ROBO2: variants seen among roughly 807,000 people sequenced by gnomAD.
ROBO2 encodes roundabout guidance receptor 2.
ROBO2 carries 53 observed loss-of-function variants against 160.8 expected under a neutral mutation model. The ratio of observed to expected loss-of-function variants is 0.33; its 90% CI spans 0.26 to 0.41. The LOEUF is 0.41. Ranked by LOEUF, ROBO2 falls within the 10% of genes least tolerant of loss-of-function variation. The pLI, the probability that ROBO2 is intolerant of heterozygous loss-of-function variation, is 1.00. For missense variants in ROBO2, 1,577 were observed against 1,722.4 expected, an observed-to-expected ratio of 0.92 and a Z score of 1.49; for synonymous variants, 664 against 611.7, an observed-to-expected ratio of 1.09 and a Z score of -1.26.
In ROBO2 at chr3:76,272,272, G is replaced by A. The variant is rs192096022; in HGVS notation, c.109+334670G>A. On this transcript the variant is annotated intron_variant, in intron 2 of 26. Transcript: ENST00000487694. ...TGCCTTGGTAGGGCCATCTCTTTAC[G>A]AAATTCATAGCTTATATAATAAATA... Among the ~76,000 whole-genome samples, 113 of 152,092 alleles carry A rather than the reference G, an allele frequency of 7.4e-4. 1 individual carries two copies. Among genetic ancestry groups the A allele is most frequent in the African/African-American group, 2.4e-3 (100 of 41,498 alleles).
chr3:76,712,120 GT>G (rs2093306134), intron 2 of ROBO2, among the ~76,000 whole-genome samples: 1 of 152,116 alleles, frequency 6.6e-6, no homozygotes, highest in African/African-American at 2.4e-5. Context: ...AAACACTTCT[GT>G]TTTTGCCTCT....
chr3:76,047,898 ATAT>A (rs759695432), intron 2 of ROBO2, among the ~76,000 whole-genome samples: 7 of 152,210 alleles, frequency 4.6e-5, no homozygotes, highest in African/African-American at 9.6e-5. Context: ...GGAATATTAA[ATAT>A]TATTGAAGTT....
At chr3:77,240,408 G>T (rs768201020) in intron 2 of ROBO2, among the ~76,000 whole-genome samples, 1 of 152,138 alleles carries the variant, frequency 6.6e-6, no homozygotes, top group Admixed American at 6.5e-5. Context: ...ACGCCCACCC[G>T]GAACTCACGC....
chr3:76,094,815 G>A (rs1055869370), intron 2 of ROBO2, among the ~76,000 whole-genome samples: 6 of 152,132 alleles, frequency 3.9e-5, no homozygotes, highest in African/African-American at 1.4e-4. Flanking sequence ...CAGCTTTCAG[G>A]TTACTGAAGG....
chr3:76,159,347 C>T (rs144630138), intron 2 of ROBO2, among the ~76,000 whole-genome samples: 1 of 152,286 alleles, frequency 6.6e-6, no homozygotes, highest in East Asian at 1.9e-4. Context: ...CAGGTAGTCA[C>T]TTCAAACATT....
intron 2 of ROBO2, among the ~76,000 whole-genome samples, chr3:77,208,177 C>T (rs2083660801): frequency 6.6e-6 from 1 of 152,108 alleles, no homozygotes; most frequent in African/African-American, 2.4e-5. Context: ...CATTTCATGA[C>T]CTTGTCTACT....
intron 1 of ROBO2, among the ~76,000 whole-genome samples, chr3:77,049,170 A>G (rs976795364): frequency 6.6e-6 from 1 of 152,088 alleles, no homozygotes; most frequent in Non-Finnish European, 1.5e-5. Context: ...CTCTACAAAA[A>G]AGAAAAAAAG....
At chr3:76,727,337 G>A (rs1393477140) in intron 2 of ROBO2, among the ~76,000 whole-genome samples, 1 of 152,088 alleles carries the variant, frequency 6.6e-6, no homozygotes, top group Admixed American at 6.5e-5. Flanking sequence ...GAAGACAGAA[G>A]CATAGAAATG....
At chr3:76,539,714 T>C (rs749896670) in intron 2 of ROBO2, among the ~76,000 whole-genome samples, 9 of 152,208 alleles carry the variant, frequency 5.9e-5, no homozygotes, top group Non-Finnish European at 1.2e-4. Context: ...CCCATTCTTC[T>C]TTATTGAGGC....
intron 2 of ROBO2, among the ~76,000 whole-genome samples, chr3:76,927,104 A>C (rs2077037638): frequency 6.6e-6 from 1 of 152,140 alleles, no homozygotes; most frequent in Non-Finnish European, 1.5e-5. Context: ...CTGGGCTGTT[A>C]TTTATAATCT....
intron 2 of ROBO2, among the ~76,000 whole-genome samples, chr3:77,137,330 G>T (rs1007684984): frequency 1.3e-5 from 2 of 152,136 alleles, no homozygotes; most frequent in African/African-American, 4.8e-5. Context: ...AGGTTCAAGG[G>T]ATTCCCCTGC....
At chr3:77,428,405 G>C (rs999195901) in intron 2 of ROBO2, among the ~76,000 whole-genome samples, 3 of 141,730 alleles carry the variant, frequency 2.1e-5, no homozygotes, top group Non-Finnish European at 3.0e-5. Context: ...CCGGACTGCG[G>C]ACTGCAGTGG....
chr3:77,017,344 G>A (rs1410518805), intron 2 of ROBO2, among the ~76,000 whole-genome samples: 1 of 152,118 alleles, frequency 6.6e-6, no homozygotes, highest in African/African-American at 2.4e-5. Flanking sequence ...GAAAGACAAA[G>A]TAAATAGATA....
chr3:76,463,233 A>C (rs185304661), intron 2 of ROBO2, among the ~76,000 whole-genome samples: 2 of 152,082 alleles, frequency 1.3e-5, no homozygotes, highest in African/African-American at 2.4e-5. Context: ...CCACTCACAC[A>C]TGCTTTCATC....
At chr3:77,046,260 G>A (rs1412911534) in intron 1 of ROBO2, among the ~76,000 whole-genome samples, 1 of 152,210 alleles carries the variant, frequency 6.6e-6, no homozygotes, top group Non-Finnish European at 1.5e-5. Flanking sequence ...GAAAGAAAGA[G>A]TCGAAGGGCC....
intron 2 of ROBO2, among the ~76,000 whole-genome samples, chr3:77,432,662 A>T (rs1240645979): frequency 6.6e-6 from 1 of 152,144 alleles, no homozygotes; most frequent in Non-Finnish European, 1.5e-5. Context: ...TGCCACAAAG[A>T]CCTTTTGGTC....
intron 2 of ROBO2, among the ~76,000 whole-genome samples, chr3:76,957,354 T>G (rs1209798162): frequency 6.6e-6 from 1 of 152,108 alleles, no homozygotes; most frequent in Non-Finnish European, 1.5e-5. Flanking sequence ...TTTCCAATTT[T>G]AAAAGAAATT....
Position 76,193,672 on chromosome 3 carries a change from T to G in ROBO2, c.109+256070T>G, listed in dbSNP as rs532154784. Among the ~76,000 whole-genome samples, 3 of 152,350 alleles carry G rather than the reference T, an allele frequency of 2.0e-5. No homozygotes were observed. In the South Asian group the frequency reaches 6.2e-4, roughly 32 times the overall value. ...TTTCGAAACTTACTCTTAATGAATG[T>G]AAAGATCAGACATTTGTCAGTGAGA... On this transcript the variant is annotated intron_variant, in intron 2 of 26. Coordinates refer to the ROBO2 transcript ENST00000487694.
At chr3:76,702,633 A>C (rs1047671732) in intron 2 of ROBO2, among the ~76,000 whole-genome samples, 1 of 152,094 alleles carries the variant, frequency 6.6e-6, no homozygotes, top group African/African-American at 2.4e-5. Flanking sequence ...TTGTGATGAT[A>C]GATGTTGAAT....
Sources: allele counts gnomAD v4.1 joint callset (sites outside exome capture counted in the v4.1 genomes callset), GRCh38; gene constraint gnomAD v4.1.1; transcripts MANE v1.5; gene names NCBI Gene and HGNC (gene_info 2026-07-23, HGNC 2026-07-21).